Variants in DCDC2C observed in about 807,000 individuals in gnomAD.
The protein encoded by DCDC2C is doublecortin domain containing 2C.
Under a neutral mutation model 45.0 loss-of-function variants are expected in DCDC2C, and 44 were observed. The ratio of observed to expected loss-of-function variants is 0.98; its 90% CI spans 0.77 to 1.26. DCDC2C has a LOEUF of 1.26. Ranked by LOEUF, DCDC2C falls within the 50% of genes most tolerant of loss-of-function variation. The pLI, the probability that DCDC2C is intolerant of heterozygous loss-of-function variation, is 0.00. For synonymous variants in DCDC2C, 187 were observed against 178.8 expected (o/e 1.05, Z -0.37); for missense variants, 447 against 468.9 (o/e 0.95, Z 0.43).
intron 10 of DCDC2C, among the ~76,000 whole-genome samples, chr2:3,798,522 C>T (rs1671023693): frequency 6.6e-6 from 1 of 150,558 alleles, no homozygotes; most frequent in South Asian, 2.1e-4. Context: ...TTGTTCCTTT[C>T]CATGTTTAGT....
chr2:3,774,658 G>A (rs1277489915), intron 8 of DCDC2C, among the ~76,000 whole-genome samples: 1 of 152,236 alleles, frequency 6.6e-6, no homozygotes, highest in Admixed American at 6.5e-5. Context: ...CCAGGGAGAG[G>A]TGATTGACCT....
At chr2:3,730,087 C>T (rs920448693) in intron 3 of DCDC2C, among the ~76,000 whole-genome samples, 5 of 152,082 alleles carry the variant, frequency 3.3e-5, no homozygotes, top group South Asian at 2.1e-4. Flanking sequence ...GAGAGACAGC[C>T]GAGGAGCACA....
At chr2:3,802,987 C>G (rs1056554870) in intron 10 of DCDC2C, among the ~76,000 whole-genome samples, 5 of 152,188 alleles carry the variant, frequency 3.3e-5, no homozygotes, top group South Asian at 2.1e-4. Flanking sequence ...TACCTACCAT[C>G]TTGTTTTCCC....
intron 4 of DCDC2C, among the ~76,000 whole-genome samples, chr2:3,745,076 C>T (rs1669324396): frequency 6.6e-6 from 1 of 152,168 alleles, no homozygotes; most frequent in Admixed American, 6.5e-5. Context: ...ACCTCCACCT[C>T]CCAGGTTCAA....
At chr2:3,706,691 T>C (rs1044042977) in intron 1 of DCDC2C, among the ~76,000 whole-genome samples, 16 of 152,218 alleles carry the variant, frequency 1.1e-4, no homozygotes, top group Non-Finnish European at 1.5e-4. Context: ...TCGTTCTTCC[T>C]CAACCCAGCC....
At chr2:3,804,724 T>G (rs1268854873) in intron 10 of DCDC2C, among the ~76,000 whole-genome samples, 1 of 152,212 alleles carries the variant, frequency 6.6e-6, no homozygotes, top group African/African-American at 2.4e-5. Flanking sequence ...ATAACAGACA[T>G]GGTCTTCACA....
At chr2:3,829,284 C>CTTTTTTTTTTTT (rs5828893) in intron 10 of DCDC2C, among the ~76,000 whole-genome samples, 2 of 129,594 alleles carry the variant, frequency 1.5e-5, no homozygotes, top group Non-Finnish European at 3.3e-5. Context: ...ATGTCTTTTT[C>CTTTTTTTTTTTT]TTTTTTTTTT....
At chr2:3,844,548 T>C (rs908107939) in intron 10 of DCDC2C, 1 of 152,236 alleles carries the variant, frequency 6.6e-6, no homozygotes, top group Non-Finnish European at 1.5e-5. Context: ...GAGAACAAAA[T>C]GTGAACCATG....
At chr2:3,709,301 G>A (rs1176349235) in intron 2 of DCDC2C, among the ~76,000 whole-genome samples, 1 of 152,196 alleles carries the variant, frequency 6.6e-6, no homozygotes, top group Non-Finnish European at 1.5e-5. Flanking sequence ...GATGATAATA[G>A]ATACCTCAGA....
At chr2:3,759,231 A>T (rs1669811034) in intron 6 of DCDC2C, among the ~76,000 whole-genome samples, 2 of 152,184 alleles carry the variant, frequency 1.3e-5, no homozygotes, top group Non-Finnish European at 2.9e-5. Flanking sequence ...CTCTGGATGT[A>T]AAATCTTGGA....
intron 2 of DCDC2C, among the ~76,000 whole-genome samples, chr2:3,720,021 G>A (rs774038917): frequency 5.3e-5 from 8 of 152,198 alleles, no homozygotes; most frequent in Non-Finnish European, 8.8e-5. Flanking sequence ...TGTGCAGGTG[G>A]CACCTGCTTC....
intron 10 of DCDC2C, among the ~76,000 whole-genome samples, chr2:3,807,381 A>C (rs61340729): frequency 0.1 from 15,238 of 152,034 alleles, 1,048 homozygotes; most frequent in East Asian, 0.3. Context: ...TAGCTCTGTA[A>C]AGTCTGTAAA....
At chr2:3,812,511 G>T (rs768314714) in intron 10 of DCDC2C, among the ~76,000 whole-genome samples, 6 of 151,562 alleles carry the variant, frequency 4.0e-5, no homozygotes, top group Non-Finnish European at 5.9e-5. Flanking sequence ...CTATCATTTT[G>T]TTAAGTTTTC....
intron 1 of DCDC2C, among the ~76,000 whole-genome samples, chr2:3,705,819 T>C (rs1431986106): frequency 6.6e-6 from 1 of 152,226 alleles, no homozygotes; most frequent in Non-Finnish European, 1.5e-5. Context: ...TTCTTCCCAG[T>C]GCTCTTACTG....
chr2:3,770,644 G>A (rs1171731910), intron 8 of DCDC2C, among the ~76,000 whole-genome samples: 1 of 152,146 alleles, frequency 6.6e-6, no homozygotes, highest in Non-Finnish European at 1.5e-5. Flanking sequence ...GACATTTTAG[G>A]CTGTTACTTG....
chr2:3,749,263 T>G (rs989370110), intron 4 of DCDC2C, among the ~76,000 whole-genome samples: 2 of 152,232 alleles, frequency 1.3e-5, no homozygotes, highest in Admixed American at 1.3e-4. Flanking sequence ...TCACATTTTC[T>G]GATATAGGTA....
At chr2:3,783,902 G>T (rs1045314042) in intron 9 of DCDC2C, among the ~76,000 whole-genome samples, 2 of 152,114 alleles carry the variant, frequency 1.3e-5, no homozygotes, top group Non-Finnish European at 2.9e-5. Flanking sequence ...ATTTCATAAA[G>T]TTAAAAGCTA....
At chr2:3,762,162 C>CTTTTTTTTTTTT (rs56067833) in intron 6 of DCDC2C, among the ~76,000 whole-genome samples, 4 of 127,668 alleles carry the variant, frequency 3.1e-5, no homozygotes, top group Non-Finnish European at 3.2e-5. Context: ...TTGCTTGAAC[C>CTTTTTTTTTTTT]TTTTTTTTTT....
At chr2:3,726,070 G>T (rs767158959) in intron 2 of DCDC2C, 6 of 154,074 alleles carry the variant, frequency 3.9e-5, no homozygotes, top group South Asian at 2.0e-4. Flanking sequence ...CAGGTAGTGG[G>T]ACTGTAGTGG....
Sources: allele counts gnomAD v4.1 joint callset (sites outside exome capture counted in the v4.1 genomes callset), GRCh38; gene constraint gnomAD v4.1.1; transcripts MANE v1.5; gene names NCBI Gene and HGNC (gene_info 2026-07-23, HGNC 2026-07-21).